Variants in MVB12B observed in about 807,000 individuals in gnomAD.
MVB12B encodes ESCRT-I complex subunit MVB12B.
MVB12B carries 16 observed loss-of-function variants against 41.6 expected under a neutral mutation model. That is an observed-to-expected ratio of 0.38 (90% CI 0.26 to 0.58). The LOEUF is 0.58. Ranked by LOEUF, MVB12B falls within the 20% of genes least tolerant of loss-of-function variation. The probability of loss-of-function intolerance (pLI) is 0.62; values close to 1 mark genes in which losing one functional copy is unlikely to be tolerated. For synonymous variants in MVB12B, 133 were observed against 139.7 expected, an observed-to-expected ratio of 0.95 and a Z score of 0.34; for missense variants, 274 against 380.2, an observed-to-expected ratio of 0.72 and a Z score of 2.32.
At chr9:126,421,781 A>G (rs776223812) in intron 6 of MVB12B, 73 bp from the exon 7 acceptor site, 2 of 1,143,062 alleles carry the variant, frequency 1.7e-6, no homozygotes, top group South Asian at 1.2e-5. Context: ...TCAGCTGTTG[A>G]TGGCGTCAGT....
rs1832493621 is a variant in MVB12B, at chr9:126,436,893, C to T, written c.757+14945C>T. 6.6e-6 allele frequency among the ~76,000 whole-genome samples: 1 copy of T among 152,196 alleles called. No individual in the cohort carries two copies. The highest frequency in any genetic ancestry group is 6.5e-5 in the Admixed American group (1 of 15,288). ...TGTGTCCTGAATCAGTTAATTTACT[C>T]ATTAAAAGAATTTATTTTAGGTGGA... On this transcript the variant is annotated intron_variant, in intron 7 of 9. Transcript: ENST00000361171. The surrounding 1 kb of genome is among the most constrained non-coding windows in gnomAD (Gnocchi z 4.1).
chr9:126,442,407 C>G (rs1174038969), intron 7 of MVB12B, among the ~76,000 whole-genome samples: 1 of 152,172 alleles, frequency 6.6e-6, no homozygotes, highest in Non-Finnish European at 1.5e-5. Flanking sequence ...AACTGTCATT[C>G]ATAATAGCTT....
In MVB12B at chr9:126,392,175, G is replaced by A. The variant is rs771424158; in HGVS notation, c.519G>A (p.Pro173=). 9.9e-6 allele frequency: 16 copies of A among 1,614,028 alleles called. No individual in the cohort carries two copies. The highest frequency in any genetic ancestry group is 4.4e-5 in the South Asian group (4 of 91,080). The change falls in exon 5 of 10, where the codon CCG becomes CCA. Residue 173 remains proline (P), a synonymous_variant. Transcript: ENST00000361171. This position sits in a 1 kb window ranked among gnomAD's most constrained non-coding sequence, Gnocchi z 4.8. ...TCATGGGCCGGACCAAGCAGGCCCCGCCTCAGTACACGTTTATTGGGTGAG... is the reference window on the plus strand; with the variant it reads ...TCATGGGCCGGACCAAGCAGGCCCCACCTCAGTACACGTTTATTGGGTGAG... ...IRIMGRTKQA[P]PQYTFIGELN...
At chr9:126,374,522 C>G (rs769399657) in intron 2 of MVB12B, among the ~76,000 whole-genome samples, 2 of 152,168 alleles carry the variant, frequency 1.3e-5, no homozygotes, top group Non-Finnish European at 2.9e-5. Context: ...AATCAGAGAC[C>G]TGGGCTATGT....
chr9:126,493,185 T>G (rs1833769654), intron 9 of MVB12B, among the ~76,000 whole-genome samples: 1 of 152,076 alleles, frequency 6.6e-6, no homozygotes, highest in Admixed American at 6.5e-5. Flanking sequence ...CTGTTTTCCC[T>G]TATTATTTTA....
In MVB12B at chr9:126,480,808, T is replaced by C. The variant is rs1330963048; in HGVS notation, c.758-561T>C. The C allele has an allele frequency of 6.5e-6, 1 of 152,776 alleles. No individual in the cohort carries two copies. The highest frequency in any genetic ancestry group is 6.5e-5 in the Admixed American group (1 of 15,332). The allele number at this position is 152,776 out of a possible 1,614,324, so 9.5% of individuals were successfully genotyped here. On this transcript the variant is annotated intron_variant, in intron 7 of 9. Transcript: ENST00000361171. This position sits in a 1 kb window ranked among gnomAD's most constrained non-coding sequence, Gnocchi z 4.9. ...TGTCATGTAGGTGGCGCCATCTTTT[T>C]AAATGTGACTTCAGTTTTTCGTCTT...
chr9:126,410,956 C>CTGCT (rs1213845886), intron 6 of MVB12B, among the ~76,000 whole-genome samples: 1 of 149,116 alleles, frequency 6.7e-6, no homozygotes, highest in Non-Finnish European at 1.5e-5. Context: ...GGCGTGATCT[C>CTGCT]TGCTTACTGC....
At chr9:126,455,007 G>A (rs572085059) in intron 7 of MVB12B, among the ~76,000 whole-genome samples, 2 of 152,136 alleles carry the variant, frequency 1.3e-5, no homozygotes, top group Admixed American at 6.5e-5. Flanking sequence ...CCATGATGGC[G>A]ATTCCAGGAA....
At chr9:126,373,312 G>A (rs935101149) in intron 2 of MVB12B, among the ~76,000 whole-genome samples, 5 of 152,260 alleles carry the variant, frequency 3.3e-5, no homozygotes, top group African/African-American at 4.8e-5. Context: ...GTCCACGGAT[G>A]GTTGGATAGG....
intron 3 of MVB12B, among the ~76,000 whole-genome samples, chr9:126,382,525 T>A (rs1329903140): frequency 2.6e-5 from 4 of 152,182 alleles, no homozygotes; most frequent in Non-Finnish European, 4.4e-5. Flanking sequence ...GTGGCAGGGC[T>A]AAAGAGTGGA....
intron 7 of MVB12B, among the ~76,000 whole-genome samples, chr9:126,479,609 T>C (rs1265892416): frequency 6.6e-6 from 1 of 152,180 alleles, no homozygotes; most frequent in African/African-American, 2.4e-5. Context: ...TTCGGGACTT[T>C]TGTCCCATCT....
At chr9:126,455,892 T>TTC (rs1832973378) in intron 7 of MVB12B, among the ~76,000 whole-genome samples, 1 of 144,690 alleles carries the variant, frequency 6.9e-6, no homozygotes, top group African/African-American at 2.6e-5. Context: ...TCTTTCTTTT[T>TTC]TTTTTTTTTT....
At chr9:126,334,135 C>G (rs1829213245) in intron 1 of MVB12B, among the ~76,000 whole-genome samples, 1 of 152,238 alleles carries the variant, frequency 6.6e-6, no homozygotes, top group African/African-American at 2.4e-5. Context: ...CGTCTCATTA[C>G]TGTAGCCTCA....
chr9:126,481,116 C>T (rs1833515287), intron 7 of MVB12B: 2 of 519,242 alleles, frequency 3.9e-6, no homozygotes, highest in Non-Finnish European at 6.8e-6. Context: ...CTCTCTGCTC[C>T]TAGAGCTCTT....
intron 6 of MVB12B, chr9:126,397,458 A>G: frequency 1.0e-6 from 1 of 985,424 alleles, no homozygotes; most frequent in South Asian, 4.7e-5. Context: ...TGTACAGTTT[A>G]TGGTTTACAA....
intron 7 of MVB12B, among the ~76,000 whole-genome samples, chr9:126,450,114 T>C (rs1832862094): frequency 6.6e-6 from 1 of 152,248 alleles, no homozygotes; most frequent in Non-Finnish European, 1.5e-5. Flanking sequence ...GTCAAGTTCA[T>C]GTCGCAGTCT....
chr9:126,467,902 T>C (rs1157889207), intron 7 of MVB12B, among the ~76,000 whole-genome samples: 6 of 152,202 alleles, frequency 3.9e-5, no homozygotes, highest in African/African-American at 1.4e-4. Flanking sequence ...AGTCTGGGTA[T>C]GAGGAGTGCC....
chr9:126,396,345 A>G (rs972404110), intron 6 of MVB12B: 1 of 985,510 alleles, frequency 1.0e-6, no homozygotes, highest in Non-Finnish European at 1.2e-6. Context: ...CATCACTAGG[A>G]GTAAACTAAG....
intron 9 of MVB12B, among the ~76,000 whole-genome samples, chr9:126,497,063 A>G (rs1281040669): frequency 1.3e-5 from 2 of 152,170 alleles, no homozygotes; most frequent in Admixed American, 6.5e-5. Flanking sequence ...GCAGATGGCC[A>G]TGCATTTATT....
Sources: allele counts gnomAD v4.1 joint callset (sites outside exome capture counted in the v4.1 genomes callset), GRCh38; gene constraint gnomAD v4.1.1; non-coding constraint Gnocchi (gnomAD v3.1); transcripts MANE v1.5; gene names NCBI Gene and HGNC (gene_info 2026-07-23, HGNC 2026-07-21).